Variants in CPNE4 observed in about 807,000 individuals in gnomAD.
CPNE4 encodes copine 4, also known as copine-4.
A neutral mutation model predicts 67.9 loss-of-function variants in CPNE4; 25 were observed. The observed-to-expected ratio is 0.37, with a 90% CI of 0.27 to 0.51. The LOEUF (loss-of-function observed/expected upper bound fraction) is 0.51. Among genes scored for constraint, CPNE4 ranks in the 20% least tolerant of loss-of-function variants. The pLI is 0.93. For missense variants in CPNE4, 464 were observed against 690.8 expected (o/e 0.67, Z 3.68); for synonymous variants, 242 against 244.9 (o/e 0.99, Z 0.11).
intron 7 of CPNE4, among the ~76,000 whole-genome samples, chr3:131,635,018 CTT>C (rs1284397524): frequency 2.0e-5 from 3 of 152,230 alleles, no homozygotes; most frequent in Admixed American, 2.0e-4. Context: ...TATGACAGGT[CTT>C]TGATCGGTGA....
intron 1 of CPNE4, among the ~76,000 whole-genome samples, chr3:132,019,013 C>T (rs931047039): frequency 6.6e-6 from 1 of 152,158 alleles, no homozygotes; most frequent in African/African-American, 2.4e-5. Flanking sequence ...TTTTAAAAAG[C>T]TGTTTGCAGA....
chr3:132,029,532 A>AGT lies in CPNE4; in HGVS notation c.-2+5034_-2+5035insAC, dbSNP rs1488400739. Among the ~76,000 whole-genome samples the AGT allele has an allele frequency of 3.3e-5, 5 of 152,194 alleles. No homozygotes were observed. In the East Asian group the frequency reaches 9.7e-4, roughly 29 times the overall value. ...TCTAGTCCGTCCTTCTAGACTCACC[A>AGT]GCTCCTAGGGCTTGCCCTGCCGTGG... is the stretch of plus-strand genomic sequence containing the variant. On this transcript the variant is annotated intron_variant, in intron 1 of 15. Transcript: ENST00000429747.
At chr3:131,688,064 G>A (rs1353627589) in intron 5 of CPNE4, among the ~76,000 whole-genome samples, 1 of 152,218 alleles carries the variant, frequency 6.6e-6, no homozygotes, top group African/African-American at 2.4e-5. Context: ...GGCCTGGAGA[G>A]GCAGGGGGAA....
At chr3:131,951,397 T>C (rs1375017292) in intron 1 of CPNE4, among the ~76,000 whole-genome samples, 1 of 152,236 alleles carries the variant, frequency 6.6e-6, no homozygotes, top group Non-Finnish European at 1.5e-5. Flanking sequence ...GTGGGTTCTG[T>C]TGGGGTTTTT....
intron 1 of CPNE4, among the ~76,000 whole-genome samples, chr3:131,934,652 G>A (rs922350342): frequency 7.2e-5 from 11 of 152,060 alleles, no homozygotes; most frequent in African/African-American, 2.2e-4. Flanking sequence ...TTATGAATGA[G>A]AACATGCAGT....
chr3:131,627,192 TCA>T (rs2079096900), intron 7 of CPNE4, among the ~76,000 whole-genome samples: 1 of 62,376 alleles, frequency 1.6e-5, no homozygotes, highest in Admixed American at 1.7e-4. Context: ...AGACTCCATC[TCA>T]AAAAAAAAAA....
At chr3:131,685,406 GAAA>G (rs55693647) in intron 6 of CPNE4, among the ~76,000 whole-genome samples, 2 of 140,902 alleles carry the variant, frequency 1.4e-5, no homozygotes, top group Non-Finnish European at 3.1e-5. Flanking sequence ...GATTAAAAGT[GAAA>G]AAAAAAAAAA....
chr3:131,543,364 T>C (rs1935630868), intron 14 of CPNE4, among the ~76,000 whole-genome samples: 1 of 152,232 alleles, frequency 6.6e-6, no homozygotes, highest in Non-Finnish European at 1.5e-5. Flanking sequence ...TTAGAAACAT[T>C]TTAAGTATGT....
At chr3:131,543,494 T>A (rs1935638896) in intron 14 of CPNE4, among the ~76,000 whole-genome samples, 1 of 152,190 alleles carries the variant, frequency 6.6e-6, no homozygotes, top group South Asian at 2.1e-4. Context: ...TATGATAACT[T>A]AGCATCCAAA....
intron 1 of CPNE4, among the ~76,000 whole-genome samples, chr3:132,008,870 C>T (rs1289431355): frequency 9.9e-5 from 15 of 152,136 alleles, no homozygotes; most frequent in Non-Finnish European, 1.3e-4. Flanking sequence ...CACAGGCAGT[C>T]CACTTTTCTA....
intron 2 of CPNE4, among the ~76,000 whole-genome samples, chr3:131,854,513 C>A (rs1489462255): frequency 6.6e-6 from 1 of 151,714 alleles, no homozygotes; most frequent in East Asian, 1.9e-4. Flanking sequence ...TGCTCCTGGA[C>A]AAAATTTTTA....
intron 1 of CPNE4, among the ~76,000 whole-genome samples, chr3:132,008,822 G>T (rs1305125030): frequency 2.6e-5 from 4 of 151,894 alleles, no homozygotes; most frequent in African/African-American, 7.3e-5. Context: ...TATCACTCAA[G>T]AAGGAGATGT....
At chr3:131,696,202 G>A (rs957589021) in intron 5 of CPNE4, among the ~76,000 whole-genome samples, 1 of 152,180 alleles carries the variant, frequency 6.6e-6, no homozygotes, top group Non-Finnish European at 1.5e-5. Context: ...AAACATAGGT[G>A]CTCAATAAAT....
intron 7 of CPNE4, among the ~76,000 whole-genome samples, chr3:131,598,341 T>C (rs1479057495): frequency 6.6e-6 from 1 of 152,270 alleles, no homozygotes; most frequent in Non-Finnish European, 1.5e-5. Flanking sequence ...TGGTATTGCA[T>C]CTTTATCTCT....
chr3:131,852,566 A>T (rs2086279879), intron 2 of CPNE4, among the ~76,000 whole-genome samples: 1 of 151,980 alleles, frequency 6.6e-6, no homozygotes, highest in Non-Finnish European at 1.5e-5. Flanking sequence ...ACCATATTTT[A>T]TGGTGAAACA....
At position 131,890,117 on chromosome 3, in the gene CPNE4, G is replaced by A. The variant is rs148387657; in HGVS notation, c.180+15147C>T. Among the ~76,000 whole-genome samples, 375 of 152,006 alleles carry A rather than the reference G, an allele frequency of 2.5e-3. 1 individual carries two copies. Among genetic ancestry groups the A allele is most frequent in the African/African-American group, 8.5e-3 (353 of 41,474 alleles). The stretch of plus-strand genomic sequence containing the variant: ...GTGTCAAACCAAAAAGTTTATGCGC[G>A]ACACAGAAAACAGTTAATAGACTGA... On this transcript the variant is annotated intron_variant, in intron 2 of 15. Transcript: ENST00000429747.
chr3:131,577,903 T>G (rs1937589285), intron 9 of CPNE4, among the ~76,000 whole-genome samples: 1 of 152,166 alleles, frequency 6.6e-6, no homozygotes, highest in African/African-American at 2.4e-5. Context: ...AGAGCATGAC[T>G]GTATATATAC....
chr3:131,895,803 A>G (rs1002294352), intron 2 of CPNE4, among the ~76,000 whole-genome samples: 5 of 152,118 alleles, frequency 3.3e-5, no homozygotes, highest in African/African-American at 1.2e-4. Flanking sequence ...ACAATTTGGA[A>G]ACCTTGAAAT....
intron 13 of CPNE4, 96 bp downstream of exon 13, chr3:131,552,344 C>T (rs887496479): frequency 8.9e-6 from 9 of 1,016,318 alleles, no homozygotes; most frequent in Middle Eastern, 2.1e-4. Context: ...TGTGGACAAT[C>T]GTAACTAATA....
Sources: allele counts gnomAD v4.1 joint callset (sites outside exome capture counted in the v4.1 genomes callset), GRCh38; gene constraint gnomAD v4.1.1; transcripts MANE v1.5; gene names NCBI Gene and HGNC (gene_info 2026-07-23, HGNC 2026-07-21).